The following FMN1 variants were observed in gnomAD, a reference collection of about 807,000 sequenced individuals.
The protein encoded by FMN1 is formin-1.
FMN1 carries 110 observed loss-of-function variants against 132.4 expected under a neutral mutation model. The observed-to-expected ratio is 0.83, with a 90% confidence interval of 0.71 to 0.97. FMN1 has a LOEUF of 0.97. FMN1 is among the 50% of genes least tolerant of loss of function. The pLI is 0.00. For synonymous variants in FMN1, 722 were observed against 651.7 expected (o/e 1.11, Z -1.64); for missense variants, 1,792 against 1,705.3 (o/e 1.05, Z -0.90).
At chr15:33,053,013 G>C (rs1299860037) in intron 6 of FMN1, among the ~76,000 whole-genome samples, 2 of 151,864 alleles carry the variant, frequency 1.3e-5, no homozygotes, top group African/African-American at 4.8e-5. Context: ...ACTCCCCACA[G>C]TCCCTTCTCT....
intron 4 of FMN1, among the ~76,000 whole-genome samples, chr15:33,098,824 T>G (rs1233202818): frequency 6.6e-6 from 1 of 152,180 alleles, no homozygotes; most frequent in East Asian, 1.9e-4. Flanking sequence ...GCCAGGTTCC[T>G]GTAATACTCT....
At chr15:33,105,862 A>T (rs2039464962) in intron 4 of FMN1, 1 of 152,042 alleles carries the variant, frequency 6.6e-6, no homozygotes. Context: ...CTATGGCATC[A>T]CTCCAGATCT....
intron 5 of FMN1, among the ~76,000 whole-genome samples, chr15:33,083,826 C>G (rs1471659306): frequency 6.6e-6 from 1 of 152,108 alleles, no homozygotes; most frequent in Non-Finnish European, 1.5e-5. Flanking sequence ...CCTGCTGATA[C>G]AGGATGTCAT....
chr15:32,858,992 A>C (rs1490525784), intron 16 of FMN1, among the ~76,000 whole-genome samples: 1 of 152,182 alleles, frequency 6.6e-6, no homozygotes, highest in African/African-American at 2.4e-5. Context: ...TAGAGCTGGG[A>C]TATATTTTGC....
chr15:33,132,880 A>G (rs1963607203), intron 4 of FMN1, among the ~76,000 whole-genome samples: 1 of 152,218 alleles, frequency 6.6e-6, no homozygotes, highest in Admixed American at 6.5e-5. Flanking sequence ...AACCTGGAGA[A>G]GTCCAGAGGG....
At chr15:33,076,185 A>G (rs1217879007) in intron 5 of FMN1, among the ~76,000 whole-genome samples, 1 of 152,186 alleles carries the variant, frequency 6.6e-6, no homozygotes, top group African/African-American at 2.4e-5. Flanking sequence ...AAGAGCTTTG[A>G]GCTTTCCCAA....
intron 9 of FMN1, among the ~76,000 whole-genome samples, chr15:32,926,785 T>C (rs967510188): frequency 6.6e-6 from 1 of 152,090 alleles, no homozygotes; most frequent in Non-Finnish European, 1.5e-5. Flanking sequence ...TGACTATATT[T>C]AGTCTATATT....
chr15:33,043,576 A>T (rs1292228257), intron 6 of FMN1, among the ~76,000 whole-genome samples: 1 of 152,234 alleles, frequency 6.6e-6, no homozygotes, highest in African/African-American at 2.4e-5. Flanking sequence ...CTTTAACTTT[A>T]ATTTGGCTGA....
chr15:32,807,260 T>C (rs1595966864), intron 17 of FMN1, among the ~76,000 whole-genome samples: 1 of 152,250 alleles, frequency 6.6e-6, no homozygotes, highest in Admixed American at 6.5e-5. Context: ...TATATTAAAA[T>C]GATTCAGCTT....
At chr15:32,987,345 T>C (rs1158805669) in intron 7 of FMN1, among the ~76,000 whole-genome samples, 1 of 152,180 alleles carries the variant, frequency 6.6e-6, no homozygotes, top group Non-Finnish European at 1.5e-5. Flanking sequence ...CATGTACCCT[T>C]TATGAAAAAA....
At position 33,175,334 on chromosome 15, in the gene FMN1, G is replaced by T. The variant is rs150917059; in HGVS notation, c.-132+4864C>A. Among the ~76,000 whole-genome samples the T allele has an allele frequency of 4.3e-3, 649 of 152,278 alleles. 3 individuals are homozygous for T. Among genetic ancestry groups the T allele is most frequent in the Non-Finnish European group, 7.4e-3 (500 of 68,016 alleles). On this transcript the variant is annotated intron_variant, in intron 3 of 20. Transcript: ENST00000616417. ...CCCGCCTGCCTTGGCCTCCCAAAGT[G>T]CTAGGATTACAGGCGTAAGCCACCA...
At chr15:32,918,534 C>A (rs150801087) in intron 10 of FMN1, among the ~76,000 whole-genome samples, 1 of 152,214 alleles carries the variant, frequency 6.6e-6, no homozygotes, top group Non-Finnish European at 1.5e-5. Context: ...AAGCAAAAAT[C>A]CAAATTGTCT....
At chr15:33,058,407 G>A (rs925647039) in intron 6 of FMN1, among the ~76,000 whole-genome samples, 10 of 152,116 alleles carry the variant, frequency 6.6e-5, no homozygotes, top group Non-Finnish European at 1.5e-4. Flanking sequence ...AATAACAACT[G>A]TTAAAATAAA....
intron 7 of FMN1, among the ~76,000 whole-genome samples, chr15:32,982,294 T>C (rs2032740641): frequency 6.6e-6 from 1 of 152,128 alleles, no homozygotes. Context: ...GTGGAACAAC[T>C]AGAACTCTCA....
chr15:32,914,918 GA>G (rs1476583535), intron 10 of FMN1, among the ~76,000 whole-genome samples: 1 of 152,208 alleles, frequency 6.6e-6, no homozygotes, highest in Non-Finnish European at 1.5e-5. Context: ...GAGAGGAAAG[GA>G]CAGGTAAAAG....
chr15:33,154,144 G>A lies in FMN1; in HGVS notation c.771C>T (p.Phe257=), dbSNP rs1027731938. The A allele has an allele frequency of 9.8e-6, 15 of 1,536,254 alleles. No homozygotes were observed. Among genetic ancestry groups the A allele is most frequent in the Non-Finnish European group, 7.8e-6 (9 of 1,146,966 alleles). ...DLGFGSFETA[F]KDTGLGREVL... The stretch of plus-strand genomic sequence containing the variant: ...CTTCTCTTCCAAGCCCAGTGTCCTT[G>A]AAAGCCGTCTCAAAGCTCCCAAAGC... Residue 257 remains phenylalanine (F), a synonymous_variant, in exon 4 of 21, where the codon TTC becomes TTT. Transcript: ENST00000616417.
chr15:33,023,183 A>G (rs981027377), intron 6 of FMN1, among the ~76,000 whole-genome samples: 1 of 151,770 alleles, frequency 6.6e-6, no homozygotes, highest in Admixed American at 6.6e-5. Flanking sequence ...CGCTATTATA[A>G]GAGCGACTTA....
At chr15:32,993,162 A>C (rs938243117) in intron 7 of FMN1, among the ~76,000 whole-genome samples, 10 of 152,190 alleles carry the variant, frequency 6.6e-5, no homozygotes, top group Non-Finnish European at 1.0e-4. Context: ...TCATTCAGAG[A>C]AATATCATTC....
At chr15:33,131,089 G>C (rs1453664660) in intron 4 of FMN1, among the ~76,000 whole-genome samples, 1 of 152,228 alleles carries the variant, frequency 6.6e-6, no homozygotes, top group South Asian at 2.1e-4. Context: ...CAGCACTTTG[G>C]GGGGCCGAGG....
Sources: allele counts gnomAD v4.1 joint callset (sites outside exome capture counted in the v4.1 genomes callset), GRCh38; gene constraint gnomAD v4.1.1; transcripts MANE v1.5; gene names NCBI Gene and HGNC (gene_info 2026-07-23, HGNC 2026-07-21).